The following GEMIN5 variants were observed in gnomAD, a reference collection of about 807,000 sequenced individuals.
GEMIN5 encodes the protein gem-associated protein 5.
In GEMIN5, 124 loss-of-function variants were observed where a neutral mutation model predicts 176.9. That is an observed-to-expected ratio of 0.70 (90% CI 0.61 to 0.81). The LOEUF (loss-of-function observed/expected upper bound fraction) is 0.81. Ranked by LOEUF, GEMIN5 falls within the 40% of genes least tolerant of loss-of-function variation. The pLI, the probability that GEMIN5 is intolerant of heterozygous loss-of-function variation, is 0.00. For synonymous variants in GEMIN5, 673 were observed against 665.2 expected (o/e 1.01, Z -0.18); for missense variants, 1,843 against 1,814.6 (o/e 1.02, Z -0.28).
intron 9 of GEMIN5, among the ~76,000 whole-genome samples, 188 bp downstream of exon 9, chr5:154,924,281 T>C (rs1044879560): frequency 2.0e-5 from 3 of 152,178 alleles, no homozygotes; most frequent in Admixed American, 6.5e-5. Flanking sequence ...GGAAATGAGT[T>C]AGAAGCTACC....
intron 17 of GEMIN5, 144 bp from the exon 18 acceptor site, chr5:154,904,773 A>G (rs1285814935): frequency 1.6e-6 from 1 of 606,814 alleles, no homozygotes; most frequent in Non-Finnish European, 2.9e-6. Context: ...GGCTTTCAAA[A>G]TAAATTTGCT....
At chr5:154,903,050 A>T in intron 19 of GEMIN5, 30 bp downstream of exon 19, 1 of 1,332,554 alleles carries the variant, frequency 7.5e-7, no homozygotes, top group Non-Finnish European at 1.1e-6. Flanking sequence ...ATAAAGATGG[A>T]TGAGATTATG....
chr5:154,931,139 C>T (rs1582676853), intron 5 of GEMIN5, among the ~76,000 whole-genome samples: 1 of 152,236 alleles, frequency 6.6e-6, no homozygotes, highest in South Asian at 2.1e-4. Context: ...TTTCCATTCT[C>T]CTGGCTTAGG....
In GEMIN5 at chr5:154,898,480, AC is replaced by A; in HGVS notation, c.3304del (p.Val1102TrpfsTer59). ...AQELLLANNW[V>X]GAQEALQLHE... Reference sequence around the variant, plus strand: ...CAGCTGCAGGGCTTCCTGGGCTCCCACCCAGTTGTTGGCCAGAAGCAGCTCT... The same window carrying A: ...CAGCTGCAGGGCTTCCTGGGCTCCCACCAGTTGTTGGCCAGAAGCAGCTCT... On this transcript the variant is annotated frameshift_variant, in exon 23 of 28. Transcript: ENST00000285873. LOFTEE classifies it high-confidence loss of function. The A allele has an allele frequency of 6.2e-7, 1 of 1,614,026 alleles. No homozygotes were observed. Among genetic ancestry groups the A allele is most frequent in the East Asian group, 2.2e-5 (1 of 44,892 alleles).
At chr5:154,930,198 T>C (rs1441359154) in intron 5 of GEMIN5, among the ~76,000 whole-genome samples, 1 of 152,172 alleles carries the variant, frequency 6.6e-6, no homozygotes, top group Non-Finnish European at 1.5e-5. Context: ...GGCACTCTCT[T>C]TAAATCAGCG....
At chr5:154,916,442 A>G (rs567003690) in intron 13 of GEMIN5, among the ~76,000 whole-genome samples, 2 of 152,320 alleles carry the variant, frequency 1.3e-5, no homozygotes, top group South Asian at 2.1e-4. Flanking sequence ...ATAGCAAGCC[A>G]ATAACACTGG....
chr5:154,925,118 T>C (rs926749994), intron 8 of GEMIN5, among the ~76,000 whole-genome samples: 2 of 151,888 alleles, frequency 1.3e-5, no homozygotes, highest in Admixed American at 6.6e-5. Context: ...TTATACACAA[T>C]TGAAAAAAAC....
At chr5:154,934,425 C>T (rs771467388) in intron 3 of GEMIN5, among the ~76,000 whole-genome samples, 1 of 152,166 alleles carries the variant, frequency 6.6e-6, no homozygotes, top group Non-Finnish European at 1.5e-5. Flanking sequence ...GATTTGCCCA[C>T]CTCGGCCTCT....
intron 3 of GEMIN5, among the ~76,000 whole-genome samples, chr5:154,934,329 G>C (rs773232551): frequency 6.6e-6 from 1 of 152,202 alleles, no homozygotes; most frequent in African/African-American, 2.4e-5. Flanking sequence ...TGGGATTACA[G>C]GCATGCGCCA....
rs763451370 is a variant in GEMIN5 at position 154,938,062 on chromosome 5, G to A, written c.72C>T (p.Pro24=). 7 of 1,531,286 alleles carry A rather than the reference G, an allele frequency of 4.6e-6. No homozygotes were observed. In the East Asian group the frequency reaches 1.3e-4, roughly 29 times the overall value. The allele number at this position is 1,531,286 out of a possible 1,614,324, so 94.9% of individuals were successfully genotyped here. ...WYCARCSDAV[P]GGLFGFAART... Reference sequence around the variant, plus strand: ...GCGCGGCGAAGCCAAAGAGGCCCCCGGGCACGGCATCGCTGCAGCGGGCGC... The same window carrying A: ...GCGCGGCGAAGCCAAAGAGGCCCCCAGGCACGGCATCGCTGCAGCGGGCGC... The change falls in exon 1 of 28, where the codon CCC becomes CCT. Residue 24 remains proline, a synonymous_variant. Coordinates refer to ENST00000285873, the MANE Select transcript of GEMIN5 (RefSeq NM_015465.5).
In GEMIN5 at chr5:154,928,605, G is replaced by T. The variant is rs761202515; in HGVS notation, c.836C>A (p.Pro279Gln). 1 of 1,613,552 alleles carries T rather than the reference G, an allele frequency of 6.2e-7. No individual in the cohort carries two copies. The highest frequency in any genetic ancestry group is 1.3e-5 in the African/African-American group (1 of 74,994). Residue 279 changes from proline to glutamine, a missense_variant, in exon 6 of 28, where the codon CCA (proline) becomes CAA (glutamine). Physicochemically the swap from Pro to Gln is moderately conservative, Grantham distance 76. Transcript: ENST00000285873. Reference sequence around the variant, plus strand: ...CAACCAAAGGCGCTCTTTAACAGTTGGGTCTATACCCCCTCCTCTTCTCTT... The same window carrying T: ...CAACCAAAGGCGCTCTTTAACAGTTTGGTCTATACCCCCTCCTCTTCTCTT... ...FLKRRGGGID[P>Q]TVKERLWLTL... is the part of the protein sequence containing the mutation.
intron 3 of GEMIN5, among the ~76,000 whole-genome samples, chr5:154,934,643 C>T (rs140649913): frequency 6.6e-6 from 1 of 152,222 alleles, no homozygotes; most frequent in African/African-American, 2.4e-5. Flanking sequence ...ACCCGTACGC[C>T]CCGTCTCCTT....
At chr5:154,914,094 C>A (rs1349228081) in intron 13 of GEMIN5, among the ~76,000 whole-genome samples, 1 of 151,936 alleles carries the variant, frequency 6.6e-6, no homozygotes, top group Non-Finnish European at 1.5e-5. Flanking sequence ...GATCTCGGCT[C>A]AATGCAACCT....
At chr5:154,917,779 G>A (rs896538564) in intron 12 of GEMIN5, 152 bp downstream of exon 12, 1 of 636,974 alleles carries the variant, frequency 1.6e-6, no homozygotes, top group Admixed American at 2.5e-5. Flanking sequence ...AAGACACAAG[G>A]CACTACTGGA....
chr5:154,892,723 C>G, intron 24 of GEMIN5, 174 bp from the exon 25 acceptor site: 1 of 600,952 alleles, frequency 1.7e-6, no homozygotes, highest in Non-Finnish European at 3.0e-6. Flanking sequence ...ACTCTCATGT[C>G]TAGTTGCACA....
At chr5:154,902,230 G>A (rs1444762686) in intron 20 of GEMIN5, among the ~76,000 whole-genome samples, 3 of 152,054 alleles carry the variant, frequency 2.0e-5, no homozygotes, top group Non-Finnish European at 4.4e-5. Context: ...CAATCCTCCT[G>A]CCTCAGCCTC....
chr5:154,927,428 T>C lies in GEMIN5; in HGVS notation c.1037A>G (p.Glu346Gly), dbSNP rs769665743. 2.5e-6 allele frequency: 4 copies of C among 1,592,720 alleles called. No homozygotes were observed. The East Asian group carries it at 8.9e-5, about 36-fold the overall frequency. The stretch of plus-strand genomic sequence containing the variant: ...AGAAAGTAATAGCTGTTTGTCATCC[T>C]CTGTTTGTAAAGGACATAAATTAAA... Reference protein sequence around the residue: ...IVFNLCPLQTEDDKQLLLSTS... With the variant: ...IVFNLCPLQTGDDKQLLLSTS... The change falls in exon 7 of 28, where the codon GAG becomes GGG. Residue 346 changes from glutamate (E) to glycine (G), a missense_variant. Glu to Gly is a moderately conservative substitution (Grantham distance 98, BLOSUM62 -2). Transcript: ENST00000285873.
chr5:154,889,444 T>C (rs1763181971), intron 26 of GEMIN5, 27 bp from the exon 27 acceptor site: 4 of 1,274,662 alleles, frequency 3.1e-6, no homozygotes, highest in African/African-American at 1.5e-5. Context: ...AAGGTGTAAA[T>C]TGTATGTCTT....
rs1764259100 is a variant in GEMIN5, at chr5:154,935,920, T to C, written c.430A>G (p.Ser144Gly). Reference sequence around the variant, plus strand: ...CTGGGTTCTATAAAGAGGTGCTGGCTGTCATTTCTGTTAAACCAGTAACAG... The same window carrying C: ...CTGGGTTCTATAAAGAGGTGCTGGCCGTCATTTCTGTTAAACCAGTAACAG... ...VFCYWFNRND[S>G]QHLFIEPRTI... The change falls in exon 3 of 28, where the codon AGC becomes GGC. Residue 144 changes from serine to glycine, a missense_variant. Transcript: ENST00000285873. The C allele has an allele frequency of 6.2e-7, 1 of 1,612,922 alleles. No homozygotes were observed. The highest frequency in any genetic ancestry group is 1.7e-5 in the Admixed American group (1 of 60,002).
Sources: gnomAD v4.1 joint callset for allele counts (sites outside exome capture counted in the v4.1 genomes callset) on GRCh38, gnomAD v4.1.1 for gene constraint, MANE v1.5 for transcripts, NCBI Gene and HGNC (gene_info 2026-07-23, HGNC 2026-07-21) for gene names.